MACF1: variants seen among roughly 807,000 people sequenced by gnomAD.
The protein encoded by MACF1 is microtubule actin crosslinking factor 1, also known as microtubule-actin cross-linking factor 1.
In MACF1, 193 loss-of-function variants were observed where a neutral mutation model predicts 854.8. That is an observed-to-expected ratio of 0.23 (90% CI 0.20 to 0.25). MACF1 has a LOEUF of 0.25. Ranked by LOEUF, MACF1 falls within the 10% of genes least tolerant of loss-of-function variation. The probability of loss-of-function intolerance (pLI) is 1.00; values close to 1 mark genes in which losing one functional copy is unlikely to be tolerated. For synonymous variants in MACF1, 3,185 were observed against 3,226.7 expected, an observed-to-expected ratio of 0.99 and a Z score of 0.44; for missense variants, 7,722 against 8,929.1, an observed-to-expected ratio of 0.86 and a Z score of 5.45.
intron 2 of MACF1, among the ~76,000 whole-genome samples, chr1:39,145,891 C>A (rs1188651311): frequency 6.6e-6 from 1 of 152,202 alleles, no homozygotes; most frequent in Non-Finnish European, 1.5e-5. Context: ...GACTACTCTC[C>A]TTTTCCACTT....
At chr1:39,355,460 C>CTTTTTTTTTTTTTTTTTTTTTT in intron 44 of MACF1, among the ~76,000 whole-genome samples, 1 of 81,054 alleles carries the variant, frequency 1.2e-5, no homozygotes, top group Non-Finnish European at 2.2e-5. Context: ...TTTTCTTCTG[C>CTTTTTTTTTTTTTTTTTTTTTT]TTTTTTTTTT....
chr1:39,331,814 A>C lies in MACF1; in HGVS notation c.5226A>C (p.Ser1742=), dbSNP rs912534534. The part of the protein sequence containing the change: ...QLAGGMVSLK[S]GRKVSIFRAV... ...CAGGGGGGATGGTGAGCTTGAAATCAGGCCGGAAGGTTAGCATTTTCCGTG... is the reference window on the plus strand; with the variant it reads ...CAGGGGGGATGGTGAGCTTGAAATCCGGCCGGAAGGTTAGCATTTTCCGTG... The change falls in exon 37 of 101, where the codon TCA becomes TCC. Residue 1742 remains serine, a synonymous_variant. Transcript: ENST00000564288. 10 of 1,614,160 alleles carry C rather than the reference A, an allele frequency of 6.2e-6. No individual in the cohort carries two copies. The highest frequency in any genetic ancestry group is 1.6e-4 in the Middle Eastern group (1 of 6,062).
intron 6 of MACF1, among the ~76,000 whole-genome samples, chr1:39,277,228 T>C (rs1179703634): frequency 6.6e-6 from 1 of 151,122 alleles, no homozygotes; most frequent in Admixed American, 6.6e-5. Context: ...CCAGAGACAA[T>C]GTAGATTCAG....
Position 39,112,087 on chromosome 1 carries a change from C to CTTT in MACF1, c.220+27664_220+27666dup, listed in dbSNP as rs569400137. ...CCTCTCCCTTCCTGATTATTCAAAT[C>CTTT]TTTTTTTTTTTTTTTTTGAAACAGA... On this transcript the variant is annotated intron_variant, in intron 2 of 93. Transcript: ENST00000361689. 2.0e-3 allele frequency among the ~76,000 whole-genome samples: 266 copies of CTTT among 133,602 alleles called. 6 individuals are homozygous for CTTT. Among genetic ancestry groups the CTTT allele is most frequent in the Admixed American group, 9.5e-3 (123 of 12,938 alleles). 87.6% of individuals were successfully genotyped at this position (133,602 alleles called of 152,430 possible). A position where few individuals can be genotyped will look rare whatever the true frequency, so the allele number is the denominator to read the frequency against.
chr1:39,144,104 G>A (rs1230763174), intron 2 of MACF1, among the ~76,000 whole-genome samples: 3 of 130,766 alleles, frequency 2.3e-5, no homozygotes, highest in South Asian at 2.4e-4. Context: ...TTTTTGAGAC[G>A]GAGTCTTGCT....
chr1:39,452,147 C>G lies in MACF1; in HGVS notation c.20419-9C>G. 2 of 1,577,974 alleles carry G rather than the reference C, an allele frequency of 1.3e-6. No individual in the cohort carries two copies. Among genetic ancestry groups the G allele is most frequent in the Non-Finnish European group, 1.7e-6 (2 of 1,163,238 alleles). On this transcript the variant is annotated splice_polypyrimidine_tract_variant and intron_variant, in intron 85 of 100. Coordinates refer to ENST00000564288, the MANE Select transcript of MACF1 (RefSeq NM_001394062.1). The stretch of plus-strand genomic sequence containing the variant: ...TTGAACAAACAAATTCTCCTATTTT[C>G]TTTTCTAGGTTTTCCAGAAGGAACT...
Position 39,333,332 on chromosome 1 carries a change from C to T in MACF1, c.6744C>T (p.Asn2248=). ...DDHKESQEAQ[N]IAGGSMMMSE... Reference sequence around the variant, plus strand: ...ATAAAGAAAGTCAAGAAGCACAGAACATCGCAGGTGGTAGTATGATGATGT... The same window carrying T: ...ATAAAGAAAGTCAAGAAGCACAGAATATCGCAGGTGGTAGTATGATGATGT... Residue 2248 remains asparagine, a synonymous_variant, in exon 37 of 101, where the codon AAC becomes AAT. Transcript: ENST00000564288. 1.2e-6 allele frequency: 2 copies of T among 1,614,032 alleles called. No individual in the cohort carries two copies. Among genetic ancestry groups the T allele is most frequent in the South Asian group, 1.1e-5 (1 of 91,058 alleles).
chr1:39,157,738 A>C (rs1643721290), intron 2 of MACF1, among the ~76,000 whole-genome samples: 1 of 151,982 alleles, frequency 6.6e-6, no homozygotes, highest in African/African-American at 2.4e-5. Context: ...ACAGGGCCTC[A>C]CTTTGTCACC....
rs753129409 is a variant in MACF1, at chr1:39,293,455, T to C, written c.1993-3T>C. On this transcript the variant is annotated splice_polypyrimidine_tract_variant and splice_region_variant and intron_variant, in intron 17 of 100. Transcript: ENST00000564288. ...CTAATCTTATAATCCTTGCTTTGTC[T>C]AGGAAACTTCTAGCTTCCGGATGAG... The C allele has an allele frequency of 4.0e-5, 64 of 1,609,920 alleles. No individual in the cohort carries two copies. Among genetic ancestry groups the C allele is most frequent in the Middle Eastern group, 1.7e-4 (1 of 6,044 alleles).
chr1:39,262,226 AC>A (rs1365059592), intron 6 of MACF1, among the ~76,000 whole-genome samples: 1 of 151,528 alleles, frequency 6.6e-6, no homozygotes, highest in Non-Finnish European at 1.5e-5. Flanking sequence ...ACATGGTAAA[AC>A]CCCATCTCTA....
chr1:39,432,684 G>A, intron 67 of MACF1, 30 bp downstream of exon 67: 1 of 1,605,226 alleles, frequency 6.2e-7, no homozygotes, highest in African/African-American at 1.3e-5. Flanking sequence ...TGAGCTAATA[G>A]AATCATCAGT....
At chr1:39,163,245 G>C (rs1364974358) in intron 2 of MACF1, among the ~76,000 whole-genome samples, 1 of 151,156 alleles carries the variant, frequency 6.6e-6, no homozygotes, top group East Asian at 1.9e-4. Flanking sequence ...CAGCTCCTCA[G>C]GAGGCTAAGG....
intron 4 of MACF1, among the ~76,000 whole-genome samples, chr1:39,252,524 T>C (rs1645052182): frequency 6.6e-6 from 1 of 152,190 alleles, no homozygotes; most frequent in African/African-American, 2.4e-5. Context: ...GGGGTACATA[T>C]GAGTAAAGAT....
chr1:39,165,050 G>T (rs1378273581), intron 2 of MACF1, among the ~76,000 whole-genome samples: 1 of 152,178 alleles, frequency 6.6e-6, no homozygotes, highest in African/African-American at 2.4e-5. Flanking sequence ...ATAGACTGGG[G>T]ATATTTGGAG....
rs148724804 is a variant in MACF1 at position 39,161,273 on chromosome 1, A to C, written c.221-69909A>C. 8.7e-4 allele frequency among the ~76,000 whole-genome samples: 132 copies of C among 152,276 alleles called. 2 individuals are homozygous for C. In the East Asian group the frequency reaches 0.023, roughly 26 times the overall value. ...TTTTGGCAGAGTCCAGACCTGTGCC[A>C]TGACTGGGATAAGTAGGTAATTAGG... is the stretch of plus-strand genomic sequence containing the variant. On this transcript the variant is annotated intron_variant, in intron 2 of 93. Transcript: ENST00000361689.
At chr1:39,199,449 C>G (rs1308025177) in intron 2 of MACF1, among the ~76,000 whole-genome samples, 1 of 151,938 alleles carries the variant, frequency 6.6e-6, no homozygotes, top group Non-Finnish European at 1.5e-5. Flanking sequence ...TGAGACCAAC[C>G]TGGGCTGTAA....
At chr1:39,368,026 G>T in intron 49 of MACF1, 122 bp from the exon 50 acceptor site, 1 of 645,684 alleles carries the variant, frequency 1.5e-6, no homozygotes, top group South Asian at 3.0e-5. Context: ...TTTTCACTGA[G>T]TTGCATATTT....
intron 2 of MACF1, among the ~76,000 whole-genome samples, chr1:39,248,314 T>A (rs1375797976): frequency 6.6e-6 from 1 of 152,152 alleles, no homozygotes; most frequent in Admixed American, 6.5e-5. Flanking sequence ...TTTTTTATTA[T>A]TTTTTTCAGA....
intron 40 of MACF1, among the ~76,000 whole-genome samples, chr1:39,341,349 A>G (rs917001392): frequency 4.0e-5 from 6 of 151,678 alleles, no homozygotes; most frequent in Admixed American, 3.9e-4. Context: ...TCTTTCTTAG[A>G]AAGTCTGATT....
Sources: gnomAD v4.1 joint callset for allele counts (sites outside exome capture counted in the v4.1 genomes callset) on GRCh38, gnomAD v4.1.1 for gene constraint, MANE v1.5 for transcripts, NCBI Gene and HGNC (gene_info 2026-07-23, HGNC 2026-07-21) for gene names.